ARPC1B: variants seen among roughly 807,000 people sequenced by gnomAD.
ARPC1B encodes actin related protein 2/3 complex subunit 1B, also known as actin-related protein 2/3 complex subunit 1B.
A neutral mutation model predicts 46.0 loss-of-function variants in ARPC1B; 29 were observed. That is an observed-to-expected ratio of 0.63 (90% CI 0.47 to 0.86). The LOEUF (loss-of-function observed/expected upper bound fraction) is 0.86, where lower values mean the gene tolerates loss of function less well. ARPC1B is among the 40% of genes least tolerant of loss of function. ARPC1B has a pLI of 0.00. For synonymous variants in ARPC1B, 201 were observed against 213.9 expected (o/e 0.94, Z 0.53); for missense variants, 469 against 529.4 (o/e 0.89, Z 1.12).
rs530049238 is a variant in ARPC1B at position 99,385,686 on chromosome 7, C to T, written c.-13-16C>T. 86 of 1,600,440 alleles carry T rather than the reference C, an allele frequency of 5.4e-5. No homozygotes were observed. The highest frequency in any genetic ancestry group is 7.1e-5 in the Non-Finnish European group (84 of 1,175,394). ...TTGGGGCTGACGTGGATTCTCTCTT[C>T]CTCTCTCGGGCACAGGAGCCAAGCC... On this transcript the variant is annotated splice_polypyrimidine_tract_variant and intron_variant, in intron 1 of 9. Coordinates refer to ENST00000646101, the MANE Select transcript of ARPC1B (RefSeq NM_005720.4).
At chr7:99,392,937 G>A (rs1239093471) in intron 8 of ARPC1B, 61 bp downstream of exon 8, 3 of 1,455,718 alleles carry the variant, frequency 2.1e-6, no homozygotes, top group African/African-American at 2.8e-5. Context: ...AAACAGCGTC[G>A]GGTGAGGAAG....
chr7:99,388,244 C>T lies in ARPC1B; in HGVS notation c.375C>T (p.Phe125=), dbSNP rs759839861. Residue 125 remains phenylalanine, a synonymous_variant, in exon 4 of 10, where the codon TTC becomes TTT. Coordinates refer to ENST00000646101, the MANE Select transcript of ARPC1B (RefSeq NM_005720.4). ...SGSRVISICY[F]EQENDWWVCK... ...CTCGTGTGATCTCCATCTGTTATTT[C>T]GAGCAGGAGAATGACTGGTGGGTAC... 8 of 1,613,922 alleles carry T rather than the reference C, an allele frequency of 5.0e-6. No homozygotes were observed. Among genetic ancestry groups the T allele is most frequent in the East Asian group, 2.2e-5 (1 of 44,882 alleles).
intron 4 of ARPC1B, 192 bp from the exon 5 acceptor site, chr7:99,389,713 C>T: frequency 1.7e-6 from 1 of 597,134 alleles, no homozygotes; most frequent in Non-Finnish European, 3.0e-6. Flanking sequence ...GTTCCCACTC[C>T]AGAAGCGACA....
At chr7:99,386,605 C>A in intron 2 of ARPC1B, 80 bp from the exon 3 acceptor site, 1 of 1,104,876 alleles carries the variant, frequency 9.1e-7, no homozygotes, top group Non-Finnish European at 1.4e-6. Context: ...GGTGTTGTTG[C>A]CTAGGTGCAC....
intron 1 of ARPC1B, among the ~76,000 whole-genome samples, chr7:99,380,817 G>C (rs938672646): frequency 7.9e-5 from 12 of 152,168 alleles, no homozygotes; most frequent in African/African-American, 2.7e-4. Flanking sequence ...CATCCCCGGA[G>C]GTTCCTTCAG....
chr7:99,386,784 T>C lies in ARPC1B; in HGVS notation c.164T>C (p.Val55Ala). The C allele has an allele frequency of 6.2e-7, 1 of 1,613,184 alleles. No individual in the cohort carries two copies. The highest frequency in any genetic ancestry group is 8.5e-7 in the Non-Finnish European group (1 of 1,179,468). ...VHELKEHNGQ[V>A]TGIDWAPESN... ...GAGCTCAAGGAGCACAACGGGCAGG[T>C]GACAGGTATGTCAGGGTGGCTGGGA... The change falls in exon 3 of 10, where the codon GTG becomes GCG. Residue 55 changes from valine (V) to alanine (A), a missense_variant. Physicochemically the swap from Val to Ala is moderately conservative, Grantham distance 64 (BLOSUM62 0). Coordinates refer to ENST00000646101, the MANE Select transcript of ARPC1B (RefSeq NM_005720.4).
intron 1 of ARPC1B, among the ~76,000 whole-genome samples, chr7:99,380,973 G>T (rs1794199679): frequency 6.6e-6 from 1 of 152,182 alleles, no homozygotes. Context: ...CATGGGGGTT[G>T]TCGGGGTGTA....
chr7:99,386,859 G>T (rs547802140), intron 3 of ARPC1B, 70 bp downstream of exon 3: 4 of 1,164,190 alleles, frequency 3.4e-6, no homozygotes, highest in Non-Finnish European at 5.1e-6. Context: ...GCAAGGCAGG[G>T]CATGGCCACT....
At position 99,394,683 on chromosome 7, in the gene ARPC1B, A is replaced by C; in HGVS notation, c.*194A>C. 1.5e-6 allele frequency: 2 copies of C among 1,305,170 alleles called. No homozygotes were observed. Among genetic ancestry groups the C allele is most frequent in the Non-Finnish European group, 1.9e-6 (2 of 1,037,842 alleles). 80.8% of individuals were successfully genotyped at this position (1,305,170 alleles called of 1,614,324 possible). A position where few individuals can be genotyped will look rare whatever the true frequency, so the allele number is the denominator to read the frequency against. ...CAAGGAATACGTGCCTTTTTCTTAA[A>C]TGCTTTCATTTATTGAAAAAAAAAA... On this transcript the variant is annotated 3_prime_UTR_variant, in exon 10 of 10. Coordinates refer to ENST00000646101, the MANE Select transcript of ARPC1B (RefSeq NM_005720.4).
intron 7 of ARPC1B, among the ~76,000 whole-genome samples, chr7:99,391,750 C>G (rs1794577292): frequency 1.7e-5 from 2 of 117,304 alleles, no homozygotes; most frequent in Non-Finnish European, 3.1e-5. Context: ...CAAAACCTGT[C>G]TCAAAAAAAA....
chr7:99,382,842 C>CTTTTTTTT (rs756346040), intron 1 of ARPC1B, among the ~76,000 whole-genome samples: 1 of 119,246 alleles, frequency 8.4e-6, no homozygotes, highest in African/African-American at 3.6e-5. Flanking sequence ...CATTCCTAAC[C>CTTTTTTTT]TTTTTTTTTT....
In ARPC1B at chr7:99,388,119, C is replaced by T. The variant is rs142309872; in HGVS notation, c.250C>T (p.Arg84Cys). 4.3e-6 allele frequency: 7 copies of T among 1,614,054 alleles called. No homozygotes were observed. Among genetic ancestry groups the T allele is most frequent in the African/African-American group, 4.0e-5 (3 of 74,934 alleles). Reference protein sequence around the residue: ...RNAYVWTLKGRTWKPTLVILR... With the variant: ...RNAYVWTLKGCTWKPTLVILR... ...CGCCTACGTGTGGACGCTGAAGGGC[C>T]GCACATGGAAGCCCACGCTGGTCAT... The change falls in exon 4 of 10, where the codon CGC becomes TGC. Residue 84 changes from arginine (R) to cysteine (C), a missense_variant. Coordinates refer to ENST00000646101, the MANE Select transcript of ARPC1B (RefSeq NM_005720.4).
At chr7:99,393,126 G>A (rs935119507) in intron 8 of ARPC1B, among the ~76,000 whole-genome samples, 2 of 152,234 alleles carry the variant, frequency 1.3e-5, no homozygotes, top group Non-Finnish European at 2.9e-5. Context: ...CTAAAACCGC[G>A]TGGGGCGGAG....
intron 6 of ARPC1B, 27 bp downstream of exon 6, chr7:99,391,126 G>T: frequency 6.2e-7 from 1 of 1,612,778 alleles, no homozygotes; most frequent in South Asian, 1.1e-5. Flanking sequence ...CCCAGGGGAG[G>T]AGGTGAGTGC....
chr7:99,390,418 G>T (rs889124048), intron 5 of ARPC1B, among the ~76,000 whole-genome samples: 1 of 151,632 alleles, frequency 6.6e-6, no homozygotes, highest in Non-Finnish European at 1.5e-5. Flanking sequence ...GCCCAGGCTG[G>T]AGTGCAGTGG....
intron 8 of ARPC1B, 36 bp from the exon 9 acceptor site, chr7:99,393,993 C>G (rs1302397735): frequency 6.2e-7 from 1 of 1,606,886 alleles, no homozygotes; most frequent in Non-Finnish European, 8.5e-7. Flanking sequence ...AGCGCCAGCA[C>G]AGGTTGAATT....
chr7:99,376,127 G>T (rs1584395554), intron 1 of ARPC1B, among the ~76,000 whole-genome samples: 1 of 151,302 alleles, frequency 6.6e-6, no homozygotes, highest in East Asian at 1.9e-4. Flanking sequence ...TGAGGCAAGA[G>T]AATTGCTTGA....
At chr7:99,390,757 G>A in intron 5 of ARPC1B, 136 bp from the exon 6 acceptor site, 1 of 695,456 alleles carries the variant, frequency 1.4e-6, no homozygotes, top group Non-Finnish European at 2.4e-6. Flanking sequence ...GAGCACAGTA[G>A]CGCAATCACA....
intron 3 of ARPC1B, 107 bp downstream of exon 3, chr7:99,386,896 G>T: frequency 1.2e-6 from 1 of 816,950 alleles, no homozygotes; most frequent in Admixed American, 2.3e-5. Context: ...CCCACTCACC[G>T]TGAAACCCGG....
Sources: allele counts gnomAD v4.1 joint callset (sites outside exome capture counted in the v4.1 genomes callset), GRCh38; gene constraint gnomAD v4.1.1; transcripts MANE v1.5; gene names NCBI Gene and HGNC (gene_info 2026-07-23, HGNC 2026-07-21).